PRKG1: variants seen among roughly 807,000 people sequenced by gnomAD.
The protein encoded by PRKG1 is cGMP-dependent protein kinase 1.
PRKG1 carries 35 observed loss-of-function variants against 88.1 expected under a neutral mutation model. That is an observed-to-expected ratio of 0.40 (90% confidence interval 0.30 to 0.53). The LOEUF is 0.53. Ranked by LOEUF, PRKG1 falls within the 20% of genes least tolerant of loss-of-function variation. The pLI is 0.59. For synonymous variants in PRKG1, 303 were observed against 292.5 expected (o/e 1.04, Z -0.37); for missense variants, 540 against 839.8 (o/e 0.64, Z 4.41).
chr10:51,045,027 G>A (rs982705217), intron 1 of PRKG1, among the ~76,000 whole-genome samples: 1 of 152,144 alleles, frequency 6.6e-6, no homozygotes, highest in Non-Finnish European at 1.5e-5. Flanking sequence ...GTGTGGCAAG[G>A]AAACTATGTT....
chr10:51,532,765 G>C (rs1029572444), intron 3 of PRKG1, among the ~76,000 whole-genome samples: 1 of 152,162 alleles, frequency 6.6e-6, no homozygotes, highest in Admixed American at 6.5e-5. Context: ...ATTCCTGTTT[G>C]AGTCAGGGAT....
Position 51,473,132 on chromosome 10 carries a change from C to A in PRKG1, c.592+5296C>A, listed in dbSNP as rs74135911. On this transcript the variant is annotated intron_variant, in intron 3 of 17. Coordinates refer to ENST00000373980, the MANE Select transcript of PRKG1 (RefSeq NM_006258.4). ...ACAATATTCTTCTTAGTAAAATTTT[C>A]ATTGCATTTATCTATTAAAGAATAT... is the stretch of plus-strand genomic sequence containing the variant. Among the ~76,000 whole-genome samples, 1,455 of 151,958 alleles carry A rather than the reference C, an allele frequency of 9.6e-3. 7 individuals carry two copies. Among genetic ancestry groups the A allele is most frequent in the African/African-American group, 0.019 (799 of 41,498 alleles).
rs966971760 is a variant in PRKG1 at position 51,993,535 on chromosome 10, G to A, written c.763-60949G>A. 2.6e-5 allele frequency among the ~76,000 whole-genome samples: 4 copies of A among 152,162 alleles called. No individual in the cohort carries two copies. In the East Asian group the frequency reaches 7.7e-4, roughly 29 times the overall value. ...ATACATTATGAGATTGAGTCTAAGA[G>A]AGTTTGAATAATTTGCTTTAATTTA... On this transcript the variant is annotated intron_variant, in intron 5 of 17. Transcript: ENST00000373980.
intron 2 of PRKG1, among the ~76,000 whole-genome samples, chr10:51,280,783 T>C (rs1045672291): frequency 6.6e-6 from 1 of 152,130 alleles, no homozygotes; most frequent in Non-Finnish European, 1.5e-5. Context: ...TTTTTCAAGG[T>C]TTTTAGCTTC....
At chr10:51,279,412 T>A (rs7911980) in intron 2 of PRKG1, among the ~76,000 whole-genome samples, 1,590 of 152,100 alleles carry the variant, frequency 0.01, 10 homozygotes, top group Middle Eastern at 0.024. Context: ...GATGTGATGC[T>A]TAGAATTCCT....
At chr10:51,550,092 C>T (rs554460158) in intron 3 of PRKG1, among the ~76,000 whole-genome samples, 64 of 152,162 alleles carry the variant, frequency 4.2e-4, no homozygotes, top group African/African-American at 1.5e-3. Flanking sequence ...CAAATGCACA[C>T]GAATACCATG....
intron 2 of PRKG1, among the ~76,000 whole-genome samples, chr10:51,386,767 A>G (rs1444245890): frequency 6.6e-6 from 1 of 152,194 alleles, no homozygotes; most frequent in Non-Finnish European, 1.5e-5. Context: ...ACATAAAATT[A>G]ATCATCACAG....
chr10:51,775,528 C>T (rs1337344469), intron 3 of PRKG1, among the ~76,000 whole-genome samples: 1 of 151,778 alleles, frequency 6.6e-6, no homozygotes, highest in Non-Finnish European at 1.5e-5. Flanking sequence ...AAGGGAAGCG[C>T]CTTCTCCTTT....
At chr10:51,296,257 C>T (rs968877275) in intron 2 of PRKG1, among the ~76,000 whole-genome samples, 3 of 151,992 alleles carry the variant, frequency 2.0e-5, no homozygotes, top group Non-Finnish European at 4.4e-5. Context: ...GTTATCAGTT[C>T]TTCTTTGATT....
intron 2 of PRKG1, among the ~76,000 whole-genome samples, chr10:51,174,848 C>A (rs1195625783): frequency 6.6e-6 from 1 of 151,982 alleles, no homozygotes; most frequent in African/African-American, 2.4e-5. Flanking sequence ...TCAAGTCTCA[C>A]CTTTGAAGTT....
At chr10:51,890,767 C>G (rs372272559) in intron 4 of PRKG1, among the ~76,000 whole-genome samples, 1 of 152,188 alleles carries the variant, frequency 6.6e-6, no homozygotes, top group Admixed American at 6.5e-5. Flanking sequence ...ACCAGCCTGG[C>G]CAACATGGGG....
intron 9 of PRKG1, among the ~76,000 whole-genome samples, chr10:52,176,705 G>A (rs1351189089): frequency 2.0e-5 from 3 of 151,926 alleles, no homozygotes; most frequent in Non-Finnish European, 2.9e-5. Context: ...GTGCTTTGGG[G>A]TTTTCGTTGT....
intron 1 of PRKG1, among the ~76,000 whole-genome samples, chr10:51,107,187 A>C (rs1257815930): frequency 6.6e-6 from 1 of 152,148 alleles, no homozygotes; most frequent in African/African-American, 2.4e-5. Flanking sequence ...CTTCGTGTAC[A>C]TGAGGGCCAG....
intron 1 of PRKG1, among the ~76,000 whole-genome samples, chr10:51,080,193 T>C (rs1361070098): frequency 2.0e-5 from 3 of 152,192 alleles, no homozygotes; most frequent in Non-Finnish European, 4.4e-5. Context: ...CCTATTAGGG[T>C]ATTTTGAAGC....
chr10:51,728,086 T>C (rs1033131598), intron 3 of PRKG1, among the ~76,000 whole-genome samples: 2 of 152,242 alleles, frequency 1.3e-5, no homozygotes, highest in Middle Eastern at 3.4e-3. Flanking sequence ...AAAAAGGTCA[T>C]GCGCACAGAA....
At chr10:51,830,047 T>C (rs1839965782) in intron 4 of PRKG1, among the ~76,000 whole-genome samples, 2 of 152,182 alleles carry the variant, frequency 1.3e-5, no homozygotes, top group Admixed American at 1.3e-4. Context: ...TACCTATATT[T>C]ACATGGTGAC....
chr10:51,919,871 G>T (rs919049520), intron 5 of PRKG1, among the ~76,000 whole-genome samples: 1 of 152,094 alleles, frequency 6.6e-6, no homozygotes, highest in Non-Finnish European at 1.5e-5. Flanking sequence ...TTCCAGCACA[G>T]CAAGGATTTG....
chr10:51,835,855 C>T (rs1840118419), intron 4 of PRKG1, among the ~76,000 whole-genome samples: 1 of 152,140 alleles, frequency 6.6e-6, no homozygotes, highest in Non-Finnish European at 1.5e-5. Context: ...TTCCTGCCAA[C>T]AGTATACAAG....
At chr10:51,018,258 G>A (rs1379972300) in intron 1 of PRKG1, among the ~76,000 whole-genome samples, 4 of 151,986 alleles carry the variant, frequency 2.6e-5, no homozygotes, top group Admixed American at 6.6e-5. Context: ...ATTCTAGGTC[G>A]GCTTTTTTCC....
Sources: gnomAD v4.1 joint callset for allele counts (sites outside exome capture counted in the v4.1 genomes callset) on GRCh38, gnomAD v4.1.1 for gene constraint, MANE v1.5 for transcripts, NCBI Gene and HGNC (gene_info 2026-07-23, HGNC 2026-07-21) for gene names.